The following MAGI1 variants were observed in gnomAD, a reference collection of about 807,000 sequenced individuals.
MAGI1 encodes the protein membrane-associated guanylate kinase, WW and PDZ domain-containing protein 1.
In MAGI1, 58 loss-of-function variants were observed where a neutral mutation model predicts 139.9. The ratio of observed to expected loss-of-function variants is 0.41; its 90% CI spans 0.34 to 0.52. MAGI1 has a LOEUF of 0.52. MAGI1 is among the 20% of genes least tolerant of loss of function. The probability of loss-of-function intolerance (pLI) is 0.12; values close to 1 mark genes in which losing one functional copy is unlikely to be tolerated. For missense variants in MAGI1, 1,874 were observed against 1,901.6 expected, an observed-to-expected ratio of 0.99 and a Z score of 0.27; for synonymous variants, 812 against 737.9, an observed-to-expected ratio of 1.10 and a Z score of -1.63.
chr3:65,426,729 T>C (rs1163222731), intron 12 of MAGI1, among the ~76,000 whole-genome samples: 1 of 152,204 alleles, frequency 6.6e-6, no homozygotes, highest in African/African-American at 2.4e-5. Flanking sequence ...CAGAAACAGA[T>C]ATATTTATAT....
At chr3:65,980,664 T>A (rs2065527247) in intron 1 of MAGI1, among the ~76,000 whole-genome samples, 1 of 151,684 alleles carries the variant, frequency 6.6e-6, no homozygotes, top group East Asian at 1.9e-4. Context: ...TGGGTATATA[T>A]AAGAGAACTA....
rs184380207 is a variant in MAGI1, at chr3:65,881,600, T to G, written c.313+156396A>C. On this transcript the variant is annotated intron_variant, in intron 1 of 22. Transcript: ENST00000402939. ...CATGATCTCACCACTCTACTCCAGC[T>G]TGGGTGACAGAGCCAGACCCCTTCC... Among the ~76,000 whole-genome samples, 1,171 of 152,192 alleles carry G rather than the reference T, an allele frequency of 7.7e-3. 13 individuals carry two copies. Among genetic ancestry groups the G allele is most frequent in the African/African-American group, 0.027 (1,121 of 41,522 alleles).
intron 5 of MAGI1, among the ~76,000 whole-genome samples, chr3:65,457,632 GAT>G (rs1362193343): frequency 6.6e-6 from 1 of 151,966 alleles, no homozygotes; most frequent in Non-Finnish European, 1.5e-5. Flanking sequence ...CTAGTATATA[GAT>G]ATACACTTGC....
intron 22 of MAGI1, chr3:65,360,923 C>T (rs191171108): frequency 1.0e-4 from 138 of 1,379,420 alleles, no homozygotes; most frequent in Non-Finnish European, 9.3e-5. Flanking sequence ...AACATTCCTT[C>T]GCTCTTGGTC....
chr3:65,769,610 A>G (rs1287237834), intron 1 of MAGI1, among the ~76,000 whole-genome samples: 1 of 152,240 alleles, frequency 6.6e-6, no homozygotes, highest in African/African-American at 2.4e-5. Context: ...GGTGATGGAC[A>G]TGCAATTGAA....
At chr3:65,752,140 G>T (rs1277713078) in intron 1 of MAGI1, among the ~76,000 whole-genome samples, 1 of 152,042 alleles carries the variant, frequency 6.6e-6, no homozygotes, top group Non-Finnish European at 1.5e-5. Flanking sequence ...GTACAAACAG[G>T]GTTTCACCAT....
At chr3:65,792,895 C>T (rs548434902) in intron 1 of MAGI1, among the ~76,000 whole-genome samples, 12 of 152,170 alleles carry the variant, frequency 7.9e-5, no homozygotes, top group South Asian at 2.1e-4. Context: ...GGAGGGCAGG[C>T]GCTACTATAA....
At chr3:65,481,894 T>A (rs1340687657) in intron 3 of MAGI1, among the ~76,000 whole-genome samples, 1 of 152,244 alleles carries the variant, frequency 6.6e-6, no homozygotes, top group Non-Finnish European at 1.5e-5. Context: ...GATTTGTTAA[T>A]GCAATTACAA....
intron 1 of MAGI1, among the ~76,000 whole-genome samples, chr3:65,791,663 A>G (rs1302722364): frequency 1.3e-5 from 2 of 152,162 alleles, no homozygotes; most frequent in African/African-American, 2.4e-5. Flanking sequence ...TCCATCCCAA[A>G]TTAAATTAAT....
chr3:65,457,654 A>T (rs987734481), intron 5 of MAGI1, among the ~76,000 whole-genome samples: 1 of 151,958 alleles, frequency 6.6e-6, no homozygotes, highest in Non-Finnish European at 1.5e-5. Flanking sequence ...CTATTTATTA[A>T]ATTTTAAATT....
At chr3:65,733,387 A>T (rs955405078) in intron 1 of MAGI1, among the ~76,000 whole-genome samples, 31 of 152,204 alleles carry the variant, frequency 2.0e-4, no homozygotes, top group African/African-American at 7.2e-4. Context: ...ATGAAAAGCC[A>T]GAAAATTAAT....
chr3:65,413,516 T>C (rs1418493715), intron 12 of MAGI1, among the ~76,000 whole-genome samples: 1 of 152,136 alleles, frequency 6.6e-6, no homozygotes, highest in Non-Finnish European at 1.5e-5. Context: ...TCATCTCCCA[T>C]GGAGATATTA....
intron 12 of MAGI1, among the ~76,000 whole-genome samples, chr3:65,413,989 C>T (rs1195140984): frequency 6.6e-6 from 1 of 152,104 alleles, no homozygotes; most frequent in Non-Finnish European, 1.5e-5. Context: ...CCAGTAAGCA[C>T]TCAAGTCAAC....
At chr3:65,591,350 T>C (rs747996556) in intron 2 of MAGI1, among the ~76,000 whole-genome samples, 4 of 152,152 alleles carry the variant, frequency 2.6e-5, no homozygotes, top group Non-Finnish European at 4.4e-5. Flanking sequence ...TTCCTCTCTT[T>C]TTCTCACACC....
At chr3:65,684,052 T>A (rs2087806332) in intron 1 of MAGI1, among the ~76,000 whole-genome samples, 2 of 148,472 alleles carry the variant, frequency 1.3e-5, no homozygotes, top group East Asian at 2.0e-4. Context: ...CATACAGCTA[T>A]AGTCCCAGCT....
chr3:65,894,909 A>G (rs552768038), intron 1 of MAGI1, among the ~76,000 whole-genome samples: 1 of 152,342 alleles, frequency 6.6e-6, no homozygotes, highest in South Asian at 2.1e-4. Flanking sequence ...TGCCTTATGA[A>G]AATGTGCAAT....
chr3:65,829,255 T>A (rs1457418000), intron 1 of MAGI1, among the ~76,000 whole-genome samples: 3 of 152,346 alleles, frequency 2.0e-5, no homozygotes, highest in Non-Finnish European at 4.4e-5. Context: ...AACACCTTCT[T>A]AGCCTCTTGG....
At chr3:65,686,043 A>G (rs2087996495) in intron 1 of MAGI1, among the ~76,000 whole-genome samples, 2 of 148,380 alleles carry the variant, frequency 1.3e-5, no homozygotes, top group Admixed American at 1.3e-4. Flanking sequence ...CAAAGTGAAC[A>G]GCAGAGAAAA....
At chr3:65,633,549 T>C (rs2084429796) in intron 1 of MAGI1, among the ~76,000 whole-genome samples, 2 of 152,212 alleles carry the variant, frequency 1.3e-5, no homozygotes, top group Admixed American at 1.3e-4. Context: ...GCCTTCTCTG[T>C]TCTTTTCTCT....
Sources: allele counts gnomAD v4.1 joint callset (sites outside exome capture counted in the v4.1 genomes callset), GRCh38; gene constraint gnomAD v4.1.1; transcripts MANE v1.5; gene names NCBI Gene and HGNC (gene_info 2026-07-23, HGNC 2026-07-21).